Variants in DCC observed in about 807,000 individuals in gnomAD.
DCC encodes the protein DCC netrin 1 receptor.
Under a neutral mutation model 172.5 loss-of-function variants are expected in DCC, and 58 were observed. The observed-to-expected ratio is 0.34, with a 90% CI of 0.27 to 0.42. The LOEUF is 0.42. DCC is among the 10% of genes least tolerant of loss of function. The pLI is 1.00. For synonymous variants in DCC, 709 were observed against 644.5 expected, an observed-to-expected ratio of 1.10 and a Z score of -1.52; for missense variants, 1,740 against 1,791.0, an observed-to-expected ratio of 0.97 and a Z score of 0.51.
chr18:52,766,126 A>G (rs2037248215), intron 2 of DCC, among the ~76,000 whole-genome samples: 1 of 152,198 alleles, frequency 6.6e-6, no homozygotes, highest in Non-Finnish European at 1.5e-5. Flanking sequence ...TGGTGCCGGT[A>G]GGATCAAACT....
At chr18:52,746,987 A>G (rs77935022) in intron 1 of DCC, among the ~76,000 whole-genome samples, 232 of 151,978 alleles carry the variant, frequency 1.5e-3, no homozygotes, top group African/African-American at 5.3e-3. Context: ...GAGGAGGAGG[A>G]GAAGGCCCAA....
At chr18:52,845,221 G>A (rs900733520) in intron 2 of DCC, among the ~76,000 whole-genome samples, 5 of 152,170 alleles carry the variant, frequency 3.3e-5, no homozygotes, top group East Asian at 3.9e-4. Context: ...CCAGGAAAAG[G>A]CAATACATCT....
chr18:53,153,052 G>T (rs1358150179), intron 7 of DCC, among the ~76,000 whole-genome samples: 1 of 152,174 alleles, frequency 6.6e-6, no homozygotes, highest in African/African-American at 2.4e-5. Context: ...CACTCCCTGG[G>T]TGGGTTGGAG....
At chr18:52,799,805 A>T (rs1473703767) in intron 2 of DCC, among the ~76,000 whole-genome samples, 4 of 152,328 alleles carry the variant, frequency 2.6e-5, no homozygotes, top group African/African-American at 9.6e-5. Context: ...TTATCTGTTA[A>T]TAACTAGCAA....
intron 7 of DCC, among the ~76,000 whole-genome samples, chr18:53,120,077 A>C (rs747247796): frequency 7.9e-5 from 12 of 151,862 alleles, no homozygotes; most frequent in Non-Finnish European, 1.2e-4. Flanking sequence ...AAGTCATGGT[A>C]TATATCCAGC....
intron 7 of DCC, among the ~76,000 whole-genome samples, chr18:53,132,567 A>G (rs191081214): frequency 1.3e-4 from 20 of 152,220 alleles, no homozygotes; most frequent in African/African-American, 4.6e-4. Flanking sequence ...TTATCCCAAT[A>G]TGTATCTTAT....
At chr18:53,428,570 A>C (rs868188420) in intron 21 of DCC, among the ~76,000 whole-genome samples, 1 of 43,774 alleles carries the variant, frequency 2.3e-5, no homozygotes, top group South Asian at 7.3e-4. Flanking sequence ...ATATATATTT[A>C]TATATATAAA....
chr18:53,521,687 T>C (rs2046400730), intron 27 of DCC, among the ~76,000 whole-genome samples: 3 of 152,168 alleles, frequency 2.0e-5, no homozygotes, highest in South Asian at 4.1e-4. Context: ...AGTGAATTGA[T>C]TTTCAGAATG....
intron 1 of DCC, among the ~76,000 whole-genome samples, chr18:52,587,098 C>G (rs554128390): frequency 3.3e-5 from 5 of 152,336 alleles, no homozygotes; most frequent in South Asian, 2.1e-4. Context: ...GGACAAACCT[C>G]TGCCCTTTCC....
intron 13 of DCC, among the ~76,000 whole-genome samples, chr18:53,311,428 G>A (rs2057267810): frequency 6.6e-6 from 1 of 152,068 alleles, no homozygotes; most frequent in South Asian, 2.1e-4. Flanking sequence ...CGGCCATACT[G>A]CTTATTTTAC....
intron 1 of DCC, among the ~76,000 whole-genome samples, chr18:52,694,048 A>C (rs1335214130): frequency 1.3e-5 from 2 of 152,150 alleles, no homozygotes; most frequent in African/African-American, 4.8e-5. Flanking sequence ...ATCAGTGATC[A>C]AGGTTAACAT....
chr18:52,771,333 A>G (rs1291434455), intron 2 of DCC, among the ~76,000 whole-genome samples: 1 of 142,080 alleles, frequency 7.0e-6, no homozygotes, highest in Non-Finnish European at 1.6e-5. Flanking sequence ...CATTCAATTA[A>G]AAAATATTTA....
At chr18:52,619,815 C>A (rs1319875757) in intron 1 of DCC, among the ~76,000 whole-genome samples, 1 of 152,134 alleles carries the variant, frequency 6.6e-6, no homozygotes, top group East Asian at 1.9e-4. Flanking sequence ...TAAATTTTCC[C>A]TACGCAAAAT....
At chr18:53,231,138 A>G (rs1181539766) in intron 12 of DCC, among the ~76,000 whole-genome samples, 1 of 152,054 alleles carries the variant, frequency 6.6e-6, no homozygotes, top group Non-Finnish European at 1.5e-5. Context: ...GGAGGTTACA[A>G]TAAGAAAATA....
At chr18:52,688,844 A>G (rs1478025564) in intron 1 of DCC, among the ~76,000 whole-genome samples, 1 of 152,150 alleles carries the variant, frequency 6.6e-6, no homozygotes, top group African/African-American at 2.4e-5. Context: ...TTGTAGTTAT[A>G]AAAAGATATG....
At chr18:52,378,972 G>T (rs551364025) in intron 1 of DCC, among the ~76,000 whole-genome samples, 32 of 152,212 alleles carry the variant, frequency 2.1e-4, no homozygotes, top group African/African-American at 5.5e-4. Flanking sequence ...TTGTGTACGT[G>T]CCCTTGTTGT....
chr18:53,046,915 T>C (rs1280480575), intron 5 of DCC, among the ~76,000 whole-genome samples: 2 of 151,706 alleles, frequency 1.3e-5, no homozygotes, highest in African/African-American at 2.4e-5. Flanking sequence ...TCAGAGCTCC[T>C]GTCTTTCATT....
intron 1 of DCC, among the ~76,000 whole-genome samples, chr18:52,605,752 T>C (rs898669646): frequency 6.6e-6 from 1 of 152,190 alleles, no homozygotes; most frequent in East Asian, 1.9e-4. Flanking sequence ...TTATTTGGGA[T>C]ATCAGAGAGT....
chr18:52,660,188 G>A (rs1351312221), intron 1 of DCC, among the ~76,000 whole-genome samples: 4 of 152,030 alleles, frequency 2.6e-5, no homozygotes, highest in African/African-American at 9.7e-5. Context: ...AGAGGTGAAG[G>A]AAAGTCTCAC....
Sources: allele counts gnomAD v4.1 joint callset (sites outside exome capture counted in the v4.1 genomes callset), GRCh38; gene constraint gnomAD v4.1.1; transcripts MANE v1.5; gene names NCBI Gene and HGNC (gene_info 2026-07-23, HGNC 2026-07-21).